FAT3: variants seen among roughly 807,000 people sequenced by gnomAD.
FAT3 encodes the protein protocadherin Fat 3.
In FAT3, 95 loss-of-function variants were observed where a neutral mutation model predicts 310.2. That is an observed-to-expected ratio of 0.31 (90% CI 0.26 to 0.36). The LOEUF (loss-of-function observed/expected upper bound fraction) is 0.36. Among genes scored for constraint, FAT3 ranks in the 10% least tolerant of loss-of-function variants. The pLI, the probability that FAT3 is intolerant of heterozygous loss-of-function variation, is 1.00. For synonymous variants in FAT3, 2,314 were observed against 2,192.9 expected (o/e 1.06, Z -1.54); for missense variants, 5,408 against 5,715.6 (o/e 0.95, Z 1.74).
intron 5 of FAT3, among the ~76,000 whole-genome samples, chr11:92,762,518 A>G (rs1333645369): frequency 2.6e-5 from 4 of 152,182 alleles, no homozygotes; most frequent in Non-Finnish European, 5.9e-5. Context: ...AGGGCAACAC[A>G]TCCTACCCAC....
chr11:92,805,168 G>A lies in FAT3; in HGVS notation c.8912G>A (p.Gly2971Glu), dbSNP rs985038258. 6.2e-7 allele frequency: 1 copy of A among 1,609,780 alleles called. No individual in the cohort carries two copies. Among genetic ancestry groups the A allele is most frequent in the African/African-American group, 1.3e-5 (1 of 74,804 alleles). ...SYHITGGNPR[G>E]RFALGLVQSE... ...TTAACTGCAGGAGGAAACCCTCGAGGAAGGTTTGCTCTGGGCCTGGTGCAA... is the reference window on the plus strand; with the variant it reads ...TTAACTGCAGGAGGAAACCCTCGAGAAAGGTTTGCTCTGGGCCTGGTGCAA... Residue 2971 changes from glycine (G) to glutamate (E), a missense_variant, in exon 11 of 28, where the codon GGA becomes GAA. By Grantham distance (98) the Gly-to-Glu change is moderately conservative. This residue lies in a region of FAT3 where 4,588 missense variants were observed against 4,809.8 expected (regional missense o/e 0.95). Transcript: ENST00000525166.
At chr11:92,525,885 C>T (rs1340150739) in intron 3 of FAT3, among the ~76,000 whole-genome samples, 1 of 152,056 alleles carries the variant, frequency 6.6e-6, no homozygotes, top group Non-Finnish European at 1.5e-5. Flanking sequence ...TAAACAGAAA[C>T]ATGTAGCTGA....
intron 2 of FAT3, among the ~76,000 whole-genome samples, chr11:92,455,593 A>G (rs572732067): frequency 1.1e-4 from 16 of 152,236 alleles, no homozygotes; most frequent in Non-Finnish European, 1.5e-4. Flanking sequence ...AACAATGGCC[A>G]TTTGTTGAAT....
At chr11:92,297,104 A>G (rs980951222) in intron 1 of FAT3, among the ~76,000 whole-genome samples, 10 of 152,220 alleles carry the variant, frequency 6.6e-5, no homozygotes, top group Non-Finnish European at 1.2e-4. Context: ...GAAGAATTAG[A>G]TGGTTCACAG....
chr11:92,254,164 A>G (rs1311526302), intron 1 of FAT3, among the ~76,000 whole-genome samples: 7 of 152,124 alleles, frequency 4.6e-5, no homozygotes, highest in African/African-American at 1.7e-4. Flanking sequence ...TGCTCCCTAG[A>G]AGACAGAGGC....
In FAT3 at chr11:92,842,289, C is replaced by T. The variant is rs184348023; in HGVS notation, c.10566+1530C>T. On this transcript the variant is annotated intron_variant, in intron 18 of 27. Transcript: ENST00000525166. Reference sequence around the variant, plus strand: ...ACTTTCAGATTTTGAATTTCAGGACCTTTTGACAGGCAGCACTCTCCAGTC... The same window carrying T: ...ACTTTCAGATTTTGAATTTCAGGACTTTTTGACAGGCAGCACTCTCCAGTC... Among the ~76,000 whole-genome samples, 190 of 152,330 alleles carry T rather than the reference C, an allele frequency of 1.2e-3. 1 individual carries two copies. The highest frequency in any genetic ancestry group is 4.5e-3 in the African/African-American group (185 of 41,556).
In FAT3 at chr11:92,880,884, C is replaced by T. The variant is rs1188622335; in HGVS notation, c.12281C>T (p.Thr4094Met). The change falls in exon 23 of 28, where the codon ACG becomes ATG. Residue 4094 changes from threonine (T) to methionine (M), a missense_variant and splice_region_variant. This residue lies in a region of FAT3 where 649 missense variants were observed against 666.2 expected (regional missense o/e 0.97). Transcript: ENST00000525166. ...CNCKAGLTGV[T>M]CEEDINECER... ...TGTAAAGCTGGGCTCACTGGAGTCA[C>T]GTAAGTGAGATTACATAAGTGTCTT... 6.8e-6 allele frequency: 11 copies of T among 1,613,118 alleles called. No individual in the cohort carries two copies. The highest frequency in any genetic ancestry group is 6.7e-5 in the Admixed American group (4 of 59,954).
chr11:92,617,142 A>G (rs1591525284), intron 3 of FAT3, among the ~76,000 whole-genome samples: 1 of 152,108 alleles, frequency 6.6e-6, no homozygotes, highest in Admixed American at 6.5e-5. Context: ...GTCTTTTCAC[A>G]TAGTCTTATA....
At chr11:92,269,827 CCCCTT>C (rs1946074792) in intron 1 of FAT3, among the ~76,000 whole-genome samples, 1 of 152,142 alleles carries the variant, frequency 6.6e-6, no homozygotes, top group Non-Finnish European at 1.5e-5. Context: ...TACCCCACTT[CCCCTT>C]CCCATTCAGC....
chr11:92,520,141 A>C (rs955751878), intron 2 of FAT3, among the ~76,000 whole-genome samples: 9 of 152,028 alleles, frequency 5.9e-5, no homozygotes, highest in Non-Finnish European at 1.0e-4. Context: ...ACACAATGGA[A>C]TATTACTAAG....
intron 3 of FAT3, among the ~76,000 whole-genome samples, chr11:92,640,752 G>T (rs1941928316): frequency 6.6e-6 from 1 of 152,160 alleles, no homozygotes; most frequent in Non-Finnish European, 1.5e-5. Context: ...GTAAAAGGTA[G>T]CCCTGTATTG....
chr11:92,426,393 G>T (rs1950634442), intron 2 of FAT3, among the ~76,000 whole-genome samples: 1 of 152,132 alleles, frequency 6.6e-6, no homozygotes. Flanking sequence ...GACCCCATTT[G>T]TCAATTTTGG....
In FAT3 at chr11:92,677,347, AGCAGAGAGTT is replaced by A. The variant is rs199701289; in HGVS notation, c.3608-20034_3608-20025del. On this transcript the variant is annotated intron_variant, in intron 3 of 27. Transcript: ENST00000525166. Reference sequence around the variant, plus strand: ...TAAGTAAGAGATCCTTGCCCGGAGGAGCAGAGAGTTGCTCTGATAGTCTCATTTGCAAGAG... The same window carrying A: ...TAAGTAAGAGATCCTTGCCCGGAGGAGCTCTGATAGTCTCATTTGCAAGAG... Among the ~76,000 whole-genome samples, 789 of 152,334 alleles carry A rather than the reference AGCAGAGAGTT, an allele frequency of 5.2e-3. 7 individuals are homozygous for A. Among genetic ancestry groups the A allele is most frequent in the African/African-American group, 0.016 (654 of 41,580 alleles).
intron 10 of FAT3, among the ~76,000 whole-genome samples, chr11:92,803,183 TA>T (rs1947411401): frequency 6.6e-6 from 1 of 152,170 alleles, no homozygotes; most frequent in South Asian, 2.1e-4. Context: ...GGAGAAACTG[TA>T]AAATACTCAG....
At chr11:92,436,424 G>A (rs1171090772) in intron 2 of FAT3, among the ~76,000 whole-genome samples, 1 of 152,186 alleles carries the variant, frequency 6.6e-6, no homozygotes, top group Non-Finnish European at 1.5e-5. Flanking sequence ...TTACAGGCGT[G>A]AGCCACTGTG....
chr11:92,866,284 C>A (rs1413158982), intron 21 of FAT3, among the ~76,000 whole-genome samples: 1 of 152,168 alleles, frequency 6.6e-6, no homozygotes, highest in African/African-American at 2.4e-5. Context: ...GATGATAACT[C>A]TATTCACTCA....
intron 10 of FAT3, among the ~76,000 whole-genome samples, chr11:92,804,773 G>A (rs956501573): frequency 2.6e-5 from 4 of 152,122 alleles, no homozygotes; most frequent in Non-Finnish European, 5.9e-5. Context: ...AAATTGTCTT[G>A]GTAACAAGAG....
At chr11:92,821,687 G>A (rs1479264671) in intron 13 of FAT3, among the ~76,000 whole-genome samples, 1 of 152,140 alleles carries the variant, frequency 6.6e-6, no homozygotes, top group Non-Finnish European at 1.5e-5. Flanking sequence ...ATGTTACCAG[G>A]GAATGAACAG....
chr11:92,649,133 C>A (rs1045543173), intron 3 of FAT3, among the ~76,000 whole-genome samples: 1 of 152,184 alleles, frequency 6.6e-6, no homozygotes. Flanking sequence ...AGATCTCACC[C>A]TGGATTGTGA....
Sources: gnomAD v4.1 joint callset for allele counts (sites outside exome capture counted in the v4.1 genomes callset) on GRCh38, gnomAD v4.1.1 for gene constraint, gnomAD v4.1.1 regional missense constraint, MANE v1.5 for transcripts, NCBI Gene and HGNC (gene_info 2026-07-23, HGNC 2026-07-21) for gene names.